The following DNM3 variants were observed in gnomAD, a reference collection of about 807,000 sequenced individuals.
DNM3 encodes dynamin-3.
In DNM3, 47 loss-of-function variants were observed where a neutral mutation model predicts 101.6. That is an observed-to-expected ratio of 0.46 (90% CI 0.37 to 0.59). The LOEUF (loss-of-function observed/expected upper bound fraction) is 0.59. DNM3 is among the 20% of genes least tolerant of loss of function. The probability of loss-of-function intolerance (pLI) is 0.00; values close to 1 mark genes in which losing one functional copy is unlikely to be tolerated. For missense variants in DNM3, 849 were observed against 1,085.7 expected, an observed-to-expected ratio of 0.78 and a Z score of 3.06; for synonymous variants, 385 against 387.9, an observed-to-expected ratio of 0.99 and a Z score of 0.09.
intron 17 of DNM3, among the ~76,000 whole-genome samples, chr1:172,330,450 G>C (rs1361977703): frequency 6.6e-6 from 1 of 151,980 alleles, no homozygotes; most frequent in Non-Finnish European, 1.5e-5. Context: ...TTTGCACATA[G>C]AAACTACCTA....
At chr1:172,371,689 T>TG (rs1342962548) in intron 17 of DNM3, among the ~76,000 whole-genome samples, 20 of 151,986 alleles carry the variant, frequency 1.3e-4, no homozygotes, top group African/African-American at 4.1e-4. Context: ...CTCACTAAAG[T>TG]CACAAAGCTT....
At chr1:172,194,442 T>A (rs2059867392) in intron 14 of DNM3, among the ~76,000 whole-genome samples, 1 of 152,126 alleles carries the variant, frequency 6.6e-6, no homozygotes, top group Admixed American at 6.6e-5. Flanking sequence ...CATTGATCTG[T>A]CTAATGTTGA....
chr1:172,298,145 C>T (rs1044689082), intron 15 of DNM3, among the ~76,000 whole-genome samples: 5 of 152,108 alleles, frequency 3.3e-5, no homozygotes, highest in African/African-American at 7.2e-5. Context: ...TAATGCTGTT[C>T]GTGTGCCTCT....
intron 14 of DNM3, chr1:172,139,508 C>T (rs1054944086): frequency 6.6e-6 from 1 of 152,582 alleles, no homozygotes; most frequent in Non-Finnish European, 1.5e-5. Context: ...ATATGTGAAA[C>T]AACAGGAACC....
chr1:172,331,523 A>G (rs191476603), intron 17 of DNM3, among the ~76,000 whole-genome samples: 3 of 152,282 alleles, frequency 2.0e-5, no homozygotes, highest in Admixed American at 2.0e-4. Flanking sequence ...TTTAGGAAAA[A>G]CAATTATTTC....
intron 14 of DNM3, among the ~76,000 whole-genome samples, chr1:172,225,873 A>G (rs1412150126): frequency 2.6e-5 from 4 of 151,620 alleles, no homozygotes; most frequent in African/African-American, 7.3e-5. Flanking sequence ...GAATTATATT[A>G]TATACATAAA....
At chr1:171,966,657 AG>A (rs1177659361) in intron 2 of DNM3, among the ~76,000 whole-genome samples, 3 of 152,194 alleles carry the variant, frequency 2.0e-5, no homozygotes, top group Non-Finnish European at 4.4e-5. Context: ...CACATTCAGA[AG>A]TTTGAGAGAA....
intron 4 of DNM3, among the ~76,000 whole-genome samples, chr1:172,005,848 A>G (rs1172038169): frequency 6.6e-6 from 1 of 152,058 alleles, no homozygotes; most frequent in Non-Finnish European, 1.5e-5. Context: ...TGACCAGAGG[A>G]GCTTGGATTT....
intron 17 of DNM3, among the ~76,000 whole-genome samples, chr1:172,361,199 G>A: frequency 6.6e-6 from 1 of 151,908 alleles, no homozygotes; most frequent in Non-Finnish European, 1.5e-5. Context: ...GGCTTATGTG[G>A]GAGGGGCAAC....
intron 17 of DNM3, among the ~76,000 whole-genome samples, chr1:172,324,882 A>C (rs987248926): frequency 6.6e-6 from 1 of 152,098 alleles, no homozygotes; most frequent in Non-Finnish European, 1.5e-5. Context: ...TGAGTGTGCT[A>C]ACAGGGAGCC....
At chr1:172,297,625 C>T (rs2064230557) in intron 15 of DNM3, among the ~76,000 whole-genome samples, 1 of 152,142 alleles carries the variant, frequency 6.6e-6, no homozygotes, top group African/African-American at 2.4e-5. Context: ...TAAGGTTATA[C>T]ATTTTCCTAC....
chr1:172,415,406 G>A (rs2071390478), downstream of DNM3: 1 of 151,970 alleles, frequency 6.6e-6, no homozygotes, highest in Non-Finnish European at 1.5e-5. Context: ...GAATGTTGAA[G>A]ACTATTCCTA....
intron 4 of DNM3, among the ~76,000 whole-genome samples, chr1:172,031,708 G>A (rs1049504425): frequency 1.3e-5 from 2 of 152,156 alleles, no homozygotes; most frequent in African/African-American, 4.8e-5. Context: ...AAGAAACCTT[G>A]GAGATCATGG....
At chr1:172,023,042 T>C (rs1020031479) in intron 4 of DNM3, among the ~76,000 whole-genome samples, 4 of 152,198 alleles carry the variant, frequency 2.6e-5, no homozygotes, top group Admixed American at 6.5e-5. Flanking sequence ...TAGTTTTCTG[T>C]ACATCTATCA....
chr1:172,388,956 A>T (rs2069362881), intron 20 of DNM3, 147 bp downstream of exon 20: 4 of 702,202 alleles, frequency 5.7e-6, no homozygotes, highest in Non-Finnish European at 9.6e-6. Context: ...CTATAGGAAA[A>T]TTGCCAACCC....
chr1:171,987,662 C>A lies in DNM3; in HGVS notation c.242C>A (p.Ala81Asp). ...TTTGGTTTTATTTTTGTAGAATATGCCGAGTTTCTACATTGCAAAGGAAAG... is the reference window on the plus strand; with the variant it reads ...TTTGGTTTTATTTTTGTAGAATATGACGAGTTTCTACATTGCAAAGGAAAG... ...LQLVTSKAEY[A>D]EFLHCKGKKF... Residue 81 changes from alanine (A) to aspartate (D), a missense_variant, in exon 3 of 21, where the codon GCC (alanine) becomes GAC (aspartate). Ala to Asp is a moderately radical substitution (Grantham distance 126). Around this residue, in one of 5 missense-constraint regions of DNM3, gnomAD observed 388 missense variants for 483.0 expected, o/e 0.80. Coordinates refer to ENST00000627582, the MANE Select transcript of DNM3 (RefSeq NM_015569.5). The A allele has an allele frequency of 1.3e-6, 2 of 1,570,626 alleles. No homozygotes were observed. Among genetic ancestry groups the A allele is most frequent in the Non-Finnish European group, 1.7e-6 (2 of 1,163,046 alleles).
In DNM3 at chr1:172,066,709, A is replaced by G. The variant is rs77945961; in HGVS notation, c.1336-2110A>G. Among the ~76,000 whole-genome samples, 81 of 152,332 alleles carry G rather than the reference A, an allele frequency of 5.3e-4. 1 individual carries two copies. In the East Asian group the frequency reaches 0.015, roughly 28 times the overall value. ...ATATTTAGTAGCCTAATTTTCTTCA[A>G]ATAGTGTTGTAAATACTTTACCATG... On this transcript the variant is annotated intron_variant, in intron 10 of 20. Coordinates refer to ENST00000627582, the MANE Select transcript of DNM3 (RefSeq NM_015569.5).
intron 17 of DNM3, among the ~76,000 whole-genome samples, chr1:172,327,669 C>A (rs1038207674): frequency 6.6e-6 from 1 of 152,124 alleles, no homozygotes; most frequent in Admixed American, 6.6e-5. Context: ...AATGTGTGTG[C>A]TTTCCCTGAT....
At chr1:172,262,102 C>G (rs536274003) in intron 15 of DNM3, among the ~76,000 whole-genome samples, 2 of 152,274 alleles carry the variant, frequency 1.3e-5, no homozygotes, top group Admixed American at 1.3e-4. Flanking sequence ...CTATCTGTAG[C>G]CCTTCTACTG....
Sources: allele counts gnomAD v4.1 joint callset (sites outside exome capture counted in the v4.1 genomes callset), GRCh38; gene constraint gnomAD v4.1.1; regional missense constraint gnomAD v4.1.1; transcripts MANE v1.5; gene names NCBI Gene and HGNC (gene_info 2026-07-23, HGNC 2026-07-21).